EPHB1: variants seen among roughly 807,000 people sequenced by gnomAD.
EPHB1 encodes the protein EPH receptor B1, also known as ephrin type-B receptor 1.
Under a neutral mutation model 94.4 loss-of-function variants are expected in EPHB1, and 30 were observed. The ratio of observed to expected loss-of-function variants is 0.32; its 90% CI spans 0.24 to 0.43. The LOEUF is 0.43. EPHB1 is among the 20% of genes least tolerant of loss of function. The pLI, the probability that EPHB1 is intolerant of heterozygous loss-of-function variation, is 1.00. For missense variants in EPHB1, 1,055 were observed against 1,308.3 expected, an observed-to-expected ratio of 0.81 and a Z score of 2.99; for synonymous variants, 522 against 489.1, an observed-to-expected ratio of 1.07 and a Z score of -0.89.
chr3:134,969,614 A>C (rs1933893665), intron 3 of EPHB1, among the ~76,000 whole-genome samples: 1 of 152,162 alleles, frequency 6.6e-6, no homozygotes, highest in East Asian at 1.9e-4. Flanking sequence ...TATAAGTGTT[A>C]ATGGGAGTCT....
intron 15 of EPHB1, among the ~76,000 whole-genome samples, chr3:135,254,199 C>T (rs1192686927): frequency 1.4e-5 from 1 of 73,822 alleles, no homozygotes; most frequent in Non-Finnish European, 2.8e-5. Flanking sequence ...ATTGAATACC[C>T]TTTATTTCCT....
Position 135,133,056 on chromosome 3 carries a change from C to T in EPHB1, c.1297+7C>T, listed in dbSNP as rs531468322. ...ATCACCACAAACCAAGCCGGTAAGT[C>T]TGGAGGCTTCTGTGCTCCTGTTTGG... On this transcript the variant is annotated splice_region_variant and intron_variant, in intron 5 of 15. Transcript: ENST00000398015. 5 of 1,568,694 alleles carry T rather than the reference C, an allele frequency of 3.2e-6. No individual in the cohort carries two copies. The East Asian group carries it at 9.0e-5, about 28-fold the overall frequency.
At chr3:134,895,907 G>A (rs911347973) in intron 1 of EPHB1, among the ~76,000 whole-genome samples, 1 of 152,166 alleles carries the variant, frequency 6.6e-6, no homozygotes, top group African/African-American at 2.4e-5. Context: ...TTTAGTTACA[G>A]CAAAATGTCC....
intron 4 of EPHB1, among the ~76,000 whole-genome samples, chr3:135,122,787 A>G (rs1359695170): frequency 6.6e-6 from 1 of 152,200 alleles, no homozygotes; most frequent in African/African-American, 2.4e-5. Flanking sequence ...TTTTGGTAAA[A>G]TGTGTAGCAC....
At chr3:134,862,145 G>A (rs984101560) in intron 1 of EPHB1, among the ~76,000 whole-genome samples, 1 of 152,196 alleles carries the variant, frequency 6.6e-6, no homozygotes, top group South Asian at 2.1e-4. Context: ...GAAGGGGGAT[G>A]GAGAGGCCCA....
chr3:135,214,909 C>T (rs1204728014), intron 12 of EPHB1, among the ~76,000 whole-genome samples: 2 of 152,152 alleles, frequency 1.3e-5, no homozygotes, highest in East Asian at 1.9e-4. Flanking sequence ...TGGCATGGTA[C>T]GAGGAATGCA....
At chr3:135,076,262 A>ATATATATATATAG (rs1559820194) in intron 3 of EPHB1, among the ~76,000 whole-genome samples, 1 of 68,914 alleles carries the variant, frequency 1.5e-5, no homozygotes, top group African/African-American at 1.1e-4. Context: ...TATATATATA[A>ATATATATATATAG]CTCTTAAATG....
chr3:134,879,654 A>G (rs1229645588), intron 1 of EPHB1, among the ~76,000 whole-genome samples: 3 of 152,020 alleles, frequency 2.0e-5, no homozygotes, highest in Non-Finnish European at 4.4e-5. Flanking sequence ...CCTGTCTCCA[A>G]ATAAATAAAT....
intron 3 of EPHB1, among the ~76,000 whole-genome samples, chr3:135,100,990 T>G (rs371586922): frequency 1.3e-5 from 2 of 152,128 alleles, no homozygotes; most frequent in African/African-American, 4.8e-5. Flanking sequence ...GCCTCGGCTA[T>G]GCAAGTTTCT....
intron 3 of EPHB1, among the ~76,000 whole-genome samples, chr3:135,008,965 C>T (rs1298343238): frequency 6.6e-6 from 1 of 152,228 alleles, no homozygotes; most frequent in Non-Finnish European, 1.5e-5. Context: ...CCAGGCCCTT[C>T]ACTGGGCAGG....
At chr3:135,080,153 T>A (rs916681204) in intron 3 of EPHB1, among the ~76,000 whole-genome samples, 2 of 152,110 alleles carry the variant, frequency 1.3e-5, no homozygotes, top group East Asian at 3.9e-4. Flanking sequence ...ACTTGTAAGA[T>A]TGGGAAAGGG....
At chr3:135,190,294 C>G (rs1443309786) in intron 10 of EPHB1, among the ~76,000 whole-genome samples, 1 of 152,204 alleles carries the variant, frequency 6.6e-6, no homozygotes, top group Non-Finnish European at 1.5e-5. Context: ...TGTGTGCTGT[C>G]TCCTCCACAA....
At chr3:135,078,645 A>T (rs903448751) in intron 3 of EPHB1, among the ~76,000 whole-genome samples, 11 of 152,358 alleles carry the variant, frequency 7.2e-5, no homozygotes, top group Non-Finnish European at 1.0e-4. Context: ...TGTGAAAGAG[A>T]GAGGAAGAGG....
At chr3:134,956,698 C>T (rs1234486097) in intron 3 of EPHB1, among the ~76,000 whole-genome samples, 2 of 152,196 alleles carry the variant, frequency 1.3e-5, no homozygotes, top group Non-Finnish European at 2.9e-5. Context: ...GTCATATCTT[C>T]TCTGCCTACT....
At chr3:135,184,425 T>A (rs927055807) in intron 10 of EPHB1, among the ~76,000 whole-genome samples, 3 of 152,218 alleles carry the variant, frequency 2.0e-5, no homozygotes, top group African/African-American at 4.8e-5. Flanking sequence ...AAGACAATAA[T>A]AAATCATTAA....
At chr3:135,001,698 G>A (rs1327269843) in intron 3 of EPHB1, among the ~76,000 whole-genome samples, 3 of 152,112 alleles carry the variant, frequency 2.0e-5, no homozygotes, top group African/African-American at 7.2e-5. Flanking sequence ...CTTTGCTGCT[G>A]CTGCTGCTGC....
chr3:134,862,926 G>A (rs1295783808), intron 1 of EPHB1, among the ~76,000 whole-genome samples: 1 of 152,212 alleles, frequency 6.6e-6, no homozygotes, highest in Non-Finnish European at 1.5e-5. Flanking sequence ...CCACACTGGT[G>A]CCCAGTGGAA....
chr3:134,827,470 T>C (rs1414429763), intron 1 of EPHB1, among the ~76,000 whole-genome samples: 1 of 152,254 alleles, frequency 6.6e-6, no homozygotes, highest in Non-Finnish European at 1.5e-5. Context: ...TTTAAGATGC[T>C]ATTGGGACTG....
intron 4 of EPHB1, among the ~76,000 whole-genome samples, chr3:135,123,675 C>A (rs2107684028): frequency 6.6e-6 from 1 of 152,296 alleles, no homozygotes; most frequent in South Asian, 2.1e-4. Flanking sequence ...CATTCTGTCA[C>A]TCTGGGCCTT....
Sources: gnomAD v4.1 joint callset for allele counts (sites outside exome capture counted in the v4.1 genomes callset) on GRCh38, gnomAD v4.1.1 for gene constraint, MANE v1.5 for transcripts, NCBI Gene and HGNC (gene_info 2026-07-23, HGNC 2026-07-21) for gene names.